COPB2: variants seen among roughly 807,000 people sequenced by gnomAD.
COPB2 encodes coat protein complex I subunit beta 2.
Under a neutral mutation model 120.8 loss-of-function variants are expected in COPB2, and 16 were observed. The observed-to-expected ratio is 0.13, with a 90% CI of 0.09 to 0.20. The LOEUF (loss-of-function observed/expected upper bound fraction) is 0.20, where lower values mean the gene tolerates loss of function less well. Ranked by LOEUF, COPB2 falls within the 10% of genes least tolerant of loss-of-function variation. The probability of loss-of-function intolerance (pLI) is 1.00; values close to 1 mark genes in which losing one functional copy is unlikely to be tolerated. For synonymous variants in COPB2, 332 were observed against 366.3 expected (o/e 0.91, Z 1.07); for missense variants, 794 against 1,076.5 (o/e 0.74, Z 3.67).
chr3:139,367,199 A>G, intron 13 of COPB2, 54 bp from the exon 14 acceptor site: 1 of 1,591,028 alleles, frequency 6.3e-7, no homozygotes, highest in Non-Finnish European at 8.6e-7. Context: ...AAATCTCTCA[A>G]TAAAAAGCTG....
chr3:139,379,214 G>C, intron 3 of COPB2, 41 bp from the exon 4 acceptor site: 2 of 1,569,020 alleles, frequency 1.3e-6, no homozygotes, highest in South Asian at 2.4e-5. Context: ...CTGTTATCAA[G>C]TAAATTATAC....
chr3:139,359,191 T>C lies in COPB2; in HGVS notation c.2304-13A>G, dbSNP rs755482077. ...GAGTTTCACTACCCTATTATAGACATCATGGAACCAAAGAGAGACTAAGTA... is the reference window on the plus strand; with the variant it reads ...GAGTTTCACTACCCTATTATAGACACCATGGAACCAAAGAGAGACTAAGTA... On this transcript the variant is annotated splice_polypyrimidine_tract_variant and intron_variant, in intron 18 of 21. Transcript: ENST00000333188. 5.6e-6 allele frequency: 9 copies of C among 1,612,226 alleles called. No homozygotes were observed. In the South Asian group the frequency reaches 9.9e-5, roughly 18 times the overall value.
At chr3:139,388,652 G>A (rs1941983832) in intron 1 of COPB2, among the ~76,000 whole-genome samples, 1 of 145,434 alleles carries the variant, frequency 6.9e-6, no homozygotes, top group Non-Finnish European at 1.5e-5. Context: ...TTTTGAGACG[G>A]AGTCTTGCTC....
chr3:139,367,271 GA>G (rs1420329657), intron 13 of COPB2, 126 bp from the exon 14 acceptor site: 518 of 960,098 alleles, frequency 5.4e-4, no homozygotes, highest in Middle Eastern at 7.3e-4. Flanking sequence ...CCTATTTCTA[GA>G]AAAAAAAAAT....
intron 1 of COPB2, 89 bp downstream of exon 1, chr3:139,389,459 C>T: frequency 6.9e-7 from 1 of 1,444,058 alleles, no homozygotes; most frequent in African/African-American, 1.4e-5. Flanking sequence ...GAGCCCAGAC[C>T]ACTGCTTACC....
At chr3:139,377,936 G>A (rs1941745024) in intron 5 of COPB2, 105 bp downstream of exon 5, 1 of 1,153,126 alleles carries the variant, frequency 8.7e-7, no homozygotes, top group African/African-American at 1.6e-5. Flanking sequence ...GGCTTTTGAG[G>A]AAAATTTTTA....
intron 2 of COPB2, chr3:139,382,059 A>C (rs1273576248): frequency 6.6e-6 from 1 of 152,218 alleles, no homozygotes; most frequent in African/African-American, 2.4e-5. Flanking sequence ...TGTGCCAGGT[A>C]ATGTTATAGG....
intron 15 of COPB2, 55 bp from the exon 16 acceptor site, chr3:139,362,572 T>C (rs1941442509): frequency 3.1e-6 from 3 of 973,644 alleles, no homozygotes; most frequent in Non-Finnish European, 4.5e-6. Context: ...TGTATGTATG[T>C]TTTATATATA....
Position 139,379,478 on chromosome 3 carries a change from A to G in COPB2, c.142-12T>C. On this transcript the variant is annotated splice_polypyrimidine_tract_variant and intron_variant, in intron 2 of 21. Coordinates refer to ENST00000333188, the MANE Select transcript of COPB2 (RefSeq NM_004766.3). ...GTCTTCACCAGTGTCTTTAAAATGT[A>G]ACAAGAATACACAAATTGAGCTATA... The G allele has an allele frequency of 6.2e-7, 1 of 1,606,390 alleles. No homozygotes were observed. Among genetic ancestry groups the G allele is most frequent in the Non-Finnish European group, 8.5e-7 (1 of 1,174,016 alleles).
intron 6 of COPB2, among the ~76,000 whole-genome samples, chr3:139,375,152 T>C (rs895343118): frequency 2.6e-5 from 4 of 152,238 alleles, no homozygotes; most frequent in African/African-American, 7.2e-5. Context: ...TTGGTAATTG[T>C]TGATCTGCTA....
Position 139,357,775 on chromosome 3 carries a change from C to T in COPB2, c.*88G>A, listed in dbSNP as rs1941318052. 1.7e-6 allele frequency: 1 copy of T among 593,048 alleles called. No homozygotes were observed. The highest frequency in any genetic ancestry group is 3.1e-5 in the South Asian group (1 of 32,396). 36.7% of individuals were successfully genotyped at this position (593,048 alleles called of 1,614,324 possible). On this transcript the variant is annotated 3_prime_UTR_variant, in exon 22 of 22. Transcript: ENST00000333188. ...ACATATAAAAATCTAAGAAGTTTCT[C>T]ATAGTCCAAAGCACTGTGGTCAGGG...
At chr3:139,367,166 A>G (rs769551797) in intron 13 of COPB2, 21 bp from the exon 14 acceptor site, 4 of 1,609,364 alleles carry the variant, frequency 2.5e-6, no homozygotes, top group South Asian at 2.2e-5. Context: ...AAAAATAAAG[A>G]CAATTACTTT....
At chr3:139,368,010 T>A in intron 13 of COPB2, 135 bp downstream of exon 13, 1 of 884,656 alleles carries the variant, frequency 1.1e-6, no homozygotes, top group Non-Finnish European at 1.6e-6. Context: ...ATTTTTCACA[T>A]TTCACCAGAA....
At position 139,373,071 on chromosome 3, in the gene COPB2, T is replaced by C. The variant is rs1314602173; in HGVS notation, c.1094+142A>G. 7 of 747,798 alleles carry C rather than the reference T, an allele frequency of 9.4e-6. No individual in the cohort carries two copies. The Admixed American group carries it at 1.5e-4, about 16-fold the overall frequency. 46.3% of individuals were successfully genotyped at this position (747,798 alleles called of 1,614,324 possible). ...ATCAAGTGGCATGGCTGACTGCAGC[T>C]GTGTTGAGGATTGTGAGGCCAGGGC... On this transcript the variant is annotated intron_variant, in intron 9 of 21. Transcript: ENST00000333188.
chr3:139,371,350 C>T (rs1474788179), intron 10 of COPB2, among the ~76,000 whole-genome samples: 1 of 152,186 alleles, frequency 6.6e-6, no homozygotes, highest in Non-Finnish European at 1.5e-5. Flanking sequence ...GGGGCAGTAG[C>T]ACCTCAGGAC....
At chr3:139,359,866 C>T (rs1006224333) in intron 17 of COPB2, among the ~76,000 whole-genome samples, 2 of 151,698 alleles carry the variant, frequency 1.3e-5, no homozygotes, top group South Asian at 4.2e-4. Context: ...TTTGGATTTT[C>T]GAAAGGTGAT....
At chr3:139,365,262 G>A (rs1384918918) in intron 15 of COPB2, among the ~76,000 whole-genome samples, 1 of 152,068 alleles carries the variant, frequency 6.6e-6, no homozygotes, top group Non-Finnish European at 1.5e-5. Flanking sequence ...ATGACATTCA[G>A]AAAGTTTCCA....
At chr3:139,368,018 G>A in intron 13 of COPB2, 127 bp downstream of exon 13, 1 of 950,114 alleles carries the variant, frequency 1.1e-6, no homozygotes, top group Non-Finnish European at 1.4e-6. Flanking sequence ...CATTTCACCA[G>A]AAATCCTTAA....
intron 10 of COPB2, among the ~76,000 whole-genome samples, chr3:139,370,296 G>A (rs538609682): frequency 6.6e-6 from 1 of 152,298 alleles, no homozygotes; most frequent in African/African-American, 2.4e-5. Flanking sequence ...TAATGTAAGA[G>A]GTGGGCAGCA....
Sources: gnomAD v4.1 joint callset for allele counts (sites outside exome capture counted in the v4.1 genomes callset) on GRCh38, gnomAD v4.1.1 for gene constraint, MANE v1.5 for transcripts, NCBI Gene and HGNC (gene_info 2026-07-23, HGNC 2026-07-21) for gene names.